The following TRDN variants were observed in gnomAD, a reference collection of about 807,000 sequenced individuals.
TRDN encodes triadin in skeletal muscle.
A neutral mutation model predicts 149.7 loss-of-function variants in TRDN; 161 were observed. That is an observed-to-expected ratio of 1.08 (90% CI 0.95 to 1.23). TRDN has a LOEUF of 1.23. Ranked by LOEUF, TRDN falls within the 50% of genes most tolerant of loss-of-function variation. The probability of loss-of-function intolerance (pLI) is 0.00; values close to 1 mark genes in which losing one functional copy is unlikely to be tolerated. For missense variants in TRDN, 896 were observed against 823.5 expected (o/e 1.09, Z -1.08); for synonymous variants, 294 against 250.5 (o/e 1.17, Z -1.64).
At chr6:123,327,525 T>A (rs2114719619) in intron 23 of TRDN, among the ~76,000 whole-genome samples, 1 of 152,258 alleles carries the variant, frequency 6.6e-6, no homozygotes, top group Middle Eastern at 3.5e-3. Context: ...ATTTTTTTCA[T>A]AATTTTTACA....
At chr6:123,636,003 G>C (rs1393154251) in intron 1 of TRDN, among the ~76,000 whole-genome samples, 2 of 151,776 alleles carry the variant, frequency 1.3e-5, no homozygotes, top group Non-Finnish European at 2.9e-5. Flanking sequence ...CATTGAAACA[G>C]AAAATATTTA....
intron 4 of TRDN, among the ~76,000 whole-genome samples, chr6:123,540,317 C>T (rs1400986789): frequency 1.3e-5 from 2 of 152,024 alleles, no homozygotes; most frequent in Non-Finnish European, 2.9e-5. Context: ...ATTTTGGCCT[C>T]AACTTTCTGG....
At chr6:123,571,500 T>C (rs1782577108) in intron 1 of TRDN, among the ~76,000 whole-genome samples, 1 of 152,100 alleles carries the variant, frequency 6.6e-6, no homozygotes, top group Non-Finnish European at 1.5e-5. Flanking sequence ...TTTTGTTTGT[T>C]TGTTTGTTTG....
chr6:123,265,408 T>A, intron 32 of TRDN, 70 bp from the exon 33 acceptor site: 1 of 1,007,096 alleles, frequency 9.9e-7, no homozygotes, highest in Non-Finnish European at 1.4e-6. Context: ...ATATCAGCCC[T>A]TTATATTTCC....
chr6:123,512,392 AT>A (rs1779227287), intron 6 of TRDN, 30 bp from the exon 7 acceptor site: 2 of 1,304,326 alleles, frequency 1.5e-6, no homozygotes, highest in South Asian at 1.4e-5. Flanking sequence ...ATTAGTACAC[AT>A]TTTTAATAGA....
At chr6:123,449,997 CTT>C (rs1263852630) in intron 10 of TRDN, among the ~76,000 whole-genome samples, 2 of 152,098 alleles carry the variant, frequency 1.3e-5, no homozygotes, top group Non-Finnish European at 2.9e-5. Context: ...AAGATGAAGT[CTT>C]TTTCAGACAA....
chr6:123,389,974 T>A (rs1334937451), intron 13 of TRDN, among the ~76,000 whole-genome samples: 1 of 152,148 alleles, frequency 6.6e-6, no homozygotes, highest in African/African-American at 2.4e-5. Context: ...TGTTGATTCT[T>A]TACATTGAAA....
chr6:123,520,828 T>C (rs1779641934), intron 5 of TRDN, among the ~76,000 whole-genome samples: 1 of 152,268 alleles, frequency 6.6e-6, no homozygotes, highest in Middle Eastern at 3.4e-3. Context: ...CACACTCTTC[T>C]GGTTTCCTTG....
intron 10 of TRDN, among the ~76,000 whole-genome samples, chr6:123,454,830 C>G (rs559447528): frequency 6.6e-6 from 1 of 152,218 alleles, no homozygotes; most frequent in African/African-American, 2.4e-5. Flanking sequence ...GGAACAGTTT[C>G]ATCCTGAAAC....
intron 24 of TRDN, among the ~76,000 whole-genome samples, 188 bp from the exon 25 acceptor site, chr6:123,279,270 T>G (rs965738261): frequency 1.3e-5 from 2 of 152,148 alleles, no homozygotes; most frequent in African/African-American, 4.8e-5. Flanking sequence ...ATTGGCAAAC[T>G]TTTTCTGTAA....
intron 1 of TRDN, among the ~76,000 whole-genome samples, chr6:123,590,632 C>T (rs1767458566): frequency 1.3e-5 from 2 of 151,958 alleles, no homozygotes; most frequent in African/African-American, 4.8e-5. Context: ...GTGTGTGGCA[C>T]ATGCCTATAG....
intron 22 of TRDN, among the ~76,000 whole-genome samples, chr6:123,335,990 G>A (rs1434446052): frequency 6.6e-6 from 1 of 151,850 alleles, no homozygotes; most frequent in Non-Finnish European, 1.5e-5. Context: ...TGGAACTGTC[G>A]CAAAATACAG....
intron 8 of TRDN, chr6:123,502,923 T>C: frequency 1.0e-6 from 1 of 985,240 alleles, no homozygotes; most frequent in Non-Finnish European, 1.2e-6. Context: ...AAAAGAAACA[T>C]TCAATAAGGG....
At chr6:123,389,367 C>T (rs1782023378) in intron 13 of TRDN, 1 of 152,110 alleles carries the variant, frequency 6.6e-6, no homozygotes, top group Admixed American at 6.6e-5. Context: ...GTAATCTCAC[C>T]TCAGCGGGAT....
intron 21 of TRDN, chr6:123,350,652 T>C: frequency 1.3e-6 from 1 of 754,056 alleles, no homozygotes; most frequent in Non-Finnish European, 1.6e-6. Context: ...GTATCAGTTA[T>C]TAGTAATAGA....
chr6:123,422,043 A>G (rs2114544739), intron 12 of TRDN, among the ~76,000 whole-genome samples: 1 of 152,294 alleles, frequency 6.6e-6, no homozygotes, highest in Non-Finnish European at 1.5e-5. Flanking sequence ...TTAAAAACCA[A>G]TACAGAATAA....
Position 123,491,422 on chromosome 6 carries a change from CA to C in TRDN, c.853+5770del, listed in dbSNP as rs533850032. 3.7e-3 allele frequency among the ~76,000 whole-genome samples: 558 copies of C among 152,166 alleles called. 1 individual carries two copies. The highest frequency in any genetic ancestry group is 0.024 in the Middle Eastern group (7 of 294). ...AGATATTTCCCATTTGAAGTATATA[CA>C]TCTTTGAAAACAGGGAATATAAGAT... On this transcript the variant is annotated intron_variant, in intron 9 of 40. Coordinates refer to ENST00000334268, the MANE Select transcript of TRDN (RefSeq NM_006073.4).
chr6:123,618,936 T>G (rs1422839028), intron 1 of TRDN, among the ~76,000 whole-genome samples: 1 of 152,130 alleles, frequency 6.6e-6, no homozygotes, highest in Non-Finnish European at 1.5e-5. Context: ...TAATCAACAT[T>G]TATTAAATAT....
chr6:123,275,064 A>G (rs1777324998), intron 26 of TRDN, among the ~76,000 whole-genome samples: 1 of 152,136 alleles, frequency 6.6e-6, no homozygotes, highest in Admixed American at 6.6e-5. Context: ...TTTTAACAAC[A>G]AGAGTTGGAA....
Sources: allele counts gnomAD v4.1 joint callset (sites outside exome capture counted in the v4.1 genomes callset), GRCh38; gene constraint gnomAD v4.1.1; transcripts MANE v1.5; gene names NCBI Gene and HGNC (gene_info 2026-07-23, HGNC 2026-07-21).